Variants in DNAH3 observed in about 807,000 individuals in gnomAD.
The protein encoded by DNAH3 is axonemal beta dynein heavy chain 3.
Under a neutral mutation model 432.5 loss-of-function variants are expected in DNAH3, and 332 were observed. The observed-to-expected ratio is 0.77, with a 90% CI of 0.70 to 0.84. DNAH3 has a LOEUF of 0.84. DNAH3 is among the 40% of genes least tolerant of loss of function. The pLI is 0.00. For missense variants in DNAH3, 4,861 were observed against 5,114.0 expected (o/e 0.95, Z 1.51); for synonymous variants, 1,956 against 1,900.2 (o/e 1.03, Z -0.76).
chr16:21,081,813 T>C (rs1183192533), intron 19 of DNAH3, 86 bp from the exon 20 acceptor site: 1 of 1,112,912 alleles, frequency 9.0e-7, no homozygotes, highest in Non-Finnish European at 1.3e-6. Context: ...GATGTTCTTT[T>C]TATCTGCACT....
At chr16:20,993,452 AT>A (rs1356573020) in intron 44 of DNAH3, among the ~76,000 whole-genome samples, 9 of 152,220 alleles carry the variant, frequency 5.9e-5, no homozygotes, top group Admixed American at 1.3e-4. Flanking sequence ...GCTTAAAAAA[AT>A]AATAGTCTCT....
exon 35 of DNAH3, chr16:21,036,736 C>G (rs1462159352): frequency 6.2e-6 from 10 of 1,614,024 alleles, no homozygotes; most frequent in Non-Finnish European, 8.5e-6. Flanking sequence ...CCCTATAAAC[C>G]AAGGTACTGG....
At chr16:21,147,682 G>C (rs981277017) in intron 1 of DNAH3, among the ~76,000 whole-genome samples, 1 of 152,238 alleles carries the variant, frequency 6.6e-6, no homozygotes, top group African/African-American at 2.4e-5. Context: ...ATTCCAACCA[G>C]TGAGTGCATA....
intron 27 of DNAH3, 64 bp downstream of exon 27, chr16:21,058,022 T>C (rs1304206009): frequency 9.2e-6 from 9 of 979,696 alleles, no homozygotes; most frequent in Non-Finnish European, 1.5e-5. Context: ...ACTCTAATTA[T>C]ACGTCATTCA....
chr16:21,159,381 AGGCTG>A lies in DNAH3; in HGVS notation c.56_60del (p.Pro19LeufsTer17), dbSNP rs1434570961. 10 of 1,613,932 alleles carry A rather than the reference AGGCTG, an allele frequency of 6.2e-6. No individual in the cohort carries two copies. Among genetic ancestry groups the A allele is most frequent in the Non-Finnish European group, 7.6e-6 (9 of 1,180,028 alleles). The stretch of plus-strand genomic sequence containing the variant: ...GTCTCCCTGGCTTTTGAACGCTGAA[AGGCTG>A]GGCCCGGATGGGGAGGGGCGGCCAG... On this transcript the variant is annotated frameshift_variant, in exon 1 of 62. Coordinates refer to ENST00000261383, the Ensembl canonical transcript of DNAH3. LOFTEE classifies it high-confidence loss of function.
chr16:21,149,824 G>T (rs2092830548), intron 1 of DNAH3, among the ~76,000 whole-genome samples: 1 of 152,160 alleles, frequency 6.6e-6, no homozygotes, highest in African/African-American at 2.4e-5. Flanking sequence ...CAGCAAAAAT[G>T]ATATTTCAAA....
At chr16:21,100,891 T>G (rs558542627) in intron 16 of DNAH3, among the ~76,000 whole-genome samples, 1 of 152,326 alleles carries the variant, frequency 6.6e-6, no homozygotes, top group South Asian at 2.1e-4. Context: ...AGAGGGCAAC[T>G]GCATGTAAGC....
chr16:20,986,404 A>T (rs1040461212), intron 47 of DNAH3, among the ~76,000 whole-genome samples: 5 of 152,106 alleles, frequency 3.3e-5, no homozygotes, highest in African/African-American at 1.2e-4. Context: ...GCTACTCAGG[A>T]GGCCGAGGTG....
chr16:21,142,094 C>T (rs6497535), intron 3 of DNAH3, among the ~76,000 whole-genome samples: 68,149 of 151,238 alleles, frequency 0.45, 15,569 homozygotes, highest in East Asian at 0.68. Context: ...AGGCCGGACA[C>T]GGTGGCTCAT....
chr16:21,092,250 T>C (rs957321689), intron 18 of DNAH3, among the ~76,000 whole-genome samples: 1 of 152,122 alleles, frequency 6.6e-6, no homozygotes, highest in Non-Finnish European at 1.5e-5. Flanking sequence ...AAGCGTGGTA[T>C]TGGCAAAAGA....
chr16:21,042,473 G>A (rs2089488986), intron 31 of DNAH3, among the ~76,000 whole-genome samples: 1 of 151,998 alleles, frequency 6.6e-6, no homozygotes, highest in South Asian at 2.1e-4. Flanking sequence ...ACACACAGTA[G>A]GTATTCTGTG....
chr16:20,955,654 T>C (rs1471890625), intron 54 of DNAH3, among the ~76,000 whole-genome samples: 2 of 152,074 alleles, frequency 1.3e-5, no homozygotes, highest in Non-Finnish European at 2.9e-5. Flanking sequence ...AGAGACAATA[T>C]GGCCACAAAC....
intron 37 of DNAH3, among the ~76,000 whole-genome samples, chr16:21,029,503 G>A (rs2088763635): frequency 6.6e-6 from 1 of 152,104 alleles, no homozygotes; most frequent in Admixed American, 6.5e-5. Context: ...TAAGGTAGAC[G>A]CTATCGTCCC....
rs201441538 is a variant in DNAH3, at chr16:20,997,491, T to C, written c.6422-29A>G. The C allele has an allele frequency of 8.3e-4, 1,342 of 1,609,332 alleles. 21 individuals are homozygous for C. The South Asian group carries it at 0.011, about 13-fold the overall frequency. ...GGGAAAGAAACCACAGATACAGCCA[T>C]TGCAAGTTCATGGCATCTTCTGCTC... On this transcript the variant is annotated intron_variant, in intron 43 of 61. Coordinates refer to ENST00000261383, the Ensembl canonical transcript of DNAH3.
chr16:21,141,924 C>T (rs1232170938), intron 3 of DNAH3, among the ~76,000 whole-genome samples: 1 of 151,962 alleles, frequency 6.6e-6, no homozygotes, highest in East Asian at 1.9e-4. Context: ...TTGCGGCGAG[C>T]GCCTGTAGAC....
rs552486247 is a variant in DNAH3, at chr16:21,024,444, C to G, written c.5646+152G>C. 2.6e-4 allele frequency: 149 copies of G among 565,244 alleles called. 4 individuals carry two copies. The South Asian group carries it at 2.7e-3, about 10-fold the overall frequency. The allele number at this position is 565,244 out of a possible 1,614,324, so 35.0% of individuals were successfully genotyped here. A position where few individuals can be genotyped will look rare whatever the true frequency, so the allele number is the denominator to read the frequency against. On this transcript the variant is annotated intron_variant, in intron 39 of 61. Coordinates refer to ENST00000261383, the Ensembl canonical transcript of DNAH3. Reference sequence around the variant, plus strand: ...AGAAGAAAGTTCGAAAAATGGCAGGCAGCCAGGAAACAAGATAACTGGGGA... The same window carrying G: ...AGAAGAAAGTTCGAAAAATGGCAGGGAGCCAGGAAACAAGATAACTGGGGA...
chr16:20,987,009 T>C (rs1167571448), intron 47 of DNAH3, among the ~76,000 whole-genome samples: 2 of 152,210 alleles, frequency 1.3e-5, no homozygotes, highest in Non-Finnish European at 2.9e-5. Context: ...CACCAATTAA[T>C]TGATCCTAAA....
At chr16:21,134,441 G>C (rs1252535372) in exon 7 of DNAH3, 1 of 1,613,978 alleles carries the variant, frequency 6.2e-7, no homozygotes, top group South Asian at 1.1e-5. Context: ...TTGGGTCCAT[G>C]AGGATGTAAT....
intron 20 of DNAH3, among the ~76,000 whole-genome samples, chr16:21,076,693 C>G (rs1475766461): frequency 1.3e-5 from 2 of 152,114 alleles, no homozygotes; most frequent in African/African-American, 4.8e-5. Flanking sequence ...AAAAAAATAA[C>G]CTGACATTAA....
Sources: gnomAD v4.1 joint callset for allele counts (sites outside exome capture counted in the v4.1 genomes callset) on GRCh38, gnomAD v4.1.1 for gene constraint, MANE v1.5 for transcripts, NCBI Gene and HGNC (gene_info 2026-07-23, HGNC 2026-07-21) for gene names.